The following LGR4 variants were observed in gnomAD, a reference collection of about 807,000 sequenced individuals.
The protein encoded by LGR4 is leucine-rich repeat-containing G protein-coupled receptor 4.
Under a neutral mutation model 84.8 loss-of-function variants are expected in LGR4, and 44 were observed. The observed-to-expected ratio is 0.52, with a 90% CI of 0.41 to 0.67. LGR4 has a LOEUF of 0.67. LGR4 is among the 30% of genes least tolerant of loss of function. The probability of loss-of-function intolerance (pLI) is 0.00; values close to 1 mark genes in which losing one functional copy is unlikely to be tolerated. For missense variants in LGR4, 1,032 were observed against 1,131.4 expected (o/e 0.91, Z 1.26); for synonymous variants, 429 against 434.3 (o/e 0.99, Z 0.15).
At chr11:27,437,683 G>GTGTGTGTA (rs1205307903) in intron 1 of LGR4, among the ~76,000 whole-genome samples, 1 of 151,690 alleles carries the variant, frequency 6.6e-6, no homozygotes, top group East Asian at 1.9e-4. Flanking sequence ...GTGTGTGTGT[G>GTGTGTGTA]TGTGTGTGTG....
At position 27,367,968 on chromosome 11, in the gene LGR4, T is replaced by C. The variant is rs1188939963; in HGVS notation, c.2755A>G (p.Ser919Gly). ...CCACAGGCCTGCACCTGGTCAGAAC[T>C]GTCTGAGACAAAGGAATCTTCTTCA... ...ADEEDSFVSD[S>G]SDQVQACGRA... The change falls in exon 18 of 18, where the codon AGT (serine) becomes GGT (glycine). Residue 919 changes from serine (S) to glycine (G), a missense_variant. Coordinates refer to ENST00000379214, the MANE Select transcript of LGR4 (RefSeq NM_018490.5). The C allele has an allele frequency of 1.2e-6, 2 of 1,614,172 alleles. No homozygotes were observed. Among genetic ancestry groups the C allele is most frequent in the Admixed American group, 1.7e-5 (1 of 60,028 alleles).
intron 2 of LGR4, among the ~76,000 whole-genome samples, chr11:27,392,849 C>T (rs2133379382): frequency 6.6e-6 from 1 of 152,154 alleles, no homozygotes; most frequent in Non-Finnish European, 1.5e-5. Context: ...TTCTAAGGGC[C>T]TCATAAATAC....
rs1456612339 is a variant in LGR4 at position 27,471,176 on chromosome 11, C to G, written c.185+942G>C. Among the ~76,000 whole-genome samples, 3 of 152,322 alleles carry G rather than the reference C, an allele frequency of 2.0e-5. No individual in the cohort carries two copies. In the East Asian group the frequency reaches 5.8e-4, roughly 29 times the overall value. On this transcript the variant is annotated intron_variant, in intron 1 of 17. Coordinates refer to ENST00000379214, the MANE Select transcript of LGR4 (RefSeq NM_018490.5). ...CCACAACCTAGTTCAGATTCCTCTT[C>G]TTTTCTCAAGGGAACGTCTAAAGCT...
chr11:27,429,213 G>A (rs971154878), intron 1 of LGR4, among the ~76,000 whole-genome samples: 5 of 152,256 alleles, frequency 3.3e-5, no homozygotes, highest in South Asian at 2.1e-4. Context: ...GGCCAGGCAC[G>A]GTGGTTCACG....
At chr11:27,395,300 A>G (rs922468) in intron 2 of LGR4, among the ~76,000 whole-genome samples, 3,648 of 152,148 alleles carry the variant, frequency 0.024, 132 homozygotes, top group African/African-American at 0.084. Flanking sequence ...ATTAGTTGTG[A>G]ATGTCCTTGT....
chr11:27,415,290 C>T (rs1863794348), intron 1 of LGR4, among the ~76,000 whole-genome samples: 1 of 152,138 alleles, frequency 6.6e-6, no homozygotes, highest in Non-Finnish European at 1.5e-5. Flanking sequence ...AAGCTTGGCA[C>T]ACCTGAATTC....
At chr11:27,442,969 C>A (rs760877950) in intron 1 of LGR4, among the ~76,000 whole-genome samples, 1 of 152,192 alleles carries the variant, frequency 6.6e-6, no homozygotes, top group Non-Finnish European at 1.5e-5. Context: ...AGGGACTGTA[C>A]TAGACACATA....
intron 3 of LGR4, among the ~76,000 whole-genome samples, chr11:27,392,152 A>G (rs757167461): frequency 6.6e-6 from 1 of 152,154 alleles, no homozygotes; most frequent in Non-Finnish European, 1.5e-5. Flanking sequence ...ACAAAACCCT[A>G]CCAGTAAAAC....
At chr11:27,383,477 C>G (rs17309797) in intron 6 of LGR4, among the ~76,000 whole-genome samples, 2 of 152,174 alleles carry the variant, frequency 1.3e-5, no homozygotes, top group African/African-American at 4.8e-5. Context: ...TTGGAACTAT[C>G]CTCTACAAGA....
In LGR4 at chr11:27,368,425, A is replaced by G. The variant is rs1385448628; in HGVS notation, c.2298T>C (p.Phe766=). 1.2e-6 allele frequency: 2 copies of G among 1,614,234 alleles called. No homozygotes were observed. Among genetic ancestry groups the G allele is most frequent in the Non-Finnish European group, 8.5e-7 (1 of 1,180,036 alleles). The change falls in exon 18 of 18, where the codon TTT becomes TTC. Residue 766 remains phenylalanine, a synonymous_variant. Transcript: ENST00000379214. ...TTGCAGTGATCAATGGTGCAAATGAAAAAAACGCCACAGGGCAGAAAAAGA... is the reference window on the plus strand; with the variant it reads ...TTGCAGTGATCAATGGTGCAAATGAGAAAAACGCCACAGGGCAGAAAAAGA... ...NCIFFCPVAF[F]SFAPLITAIS...
At position 27,472,429 on chromosome 11, in the gene LGR4, G is replaced by T; in HGVS notation, c.-127C>A. On this transcript the variant is annotated 5_prime_UTR_variant, in exon 1 of 18. Transcript: ENST00000379214. ...GCGGGGGTCTCTTCCTCGGCGGTCC[G>T]CGCGGGCTCGGCCCCTTCAGCAGTC... 1 of 675,204 alleles carries T rather than the reference G, an allele frequency of 1.5e-6. No individual in the cohort carries two copies. The highest frequency in any genetic ancestry group is 2.1e-6 in the Non-Finnish European group (1 of 484,932). The allele number at this position is 675,204 out of a possible 1,614,324, so 41.8% of individuals were successfully genotyped here.
Position 27,472,555 on chromosome 11 carries a change from C to T in LGR4, c.-253G>A, listed in dbSNP as rs1239982721. On this transcript the variant is annotated 5_prime_UTR_variant, in exon 1 of 18. Coordinates refer to ENST00000379214, the MANE Select transcript of LGR4 (RefSeq NM_018490.5). The stretch of plus-strand genomic sequence containing the variant: ...CCGCTCCTCCGGCGGCTCACGCCAG[C>T]CGGGCCGGCCCGGCGCAGCGGCGGG... 14 of 381,452 alleles carry T rather than the reference C, an allele frequency of 3.7e-5. No individual in the cohort carries two copies. The East Asian group carries it at 5.3e-4, about 14-fold the overall frequency. 23.6% of individuals were successfully genotyped at this position (381,452 alleles called of 1,614,324 possible).
rs148738699 is a variant in LGR4, at chr11:27,385,691, T to C, written c.402-223A>G. ...CATAAGAATGGCATGTATCCAAATCTATATTCTTCAACTATCTTTGGCTTT... is the reference window on the plus strand; with the variant it reads ...CATAAGAATGGCATGTATCCAAATCCATATTCTTCAACTATCTTTGGCTTT... On this transcript the variant is annotated intron_variant, in intron 4 of 17. Coordinates refer to ENST00000379214, the MANE Select transcript of LGR4 (RefSeq NM_018490.5). Among the ~76,000 whole-genome samples, 20 of 152,290 alleles carry C rather than the reference T, an allele frequency of 1.3e-4. No homozygotes were observed. The East Asian group carries it at 3.5e-3, about 26-fold the overall frequency.
chr11:27,462,638 A>G (rs996271450), intron 1 of LGR4, among the ~76,000 whole-genome samples: 2 of 152,170 alleles, frequency 1.3e-5, no homozygotes, highest in Admixed American at 6.5e-5. Flanking sequence ...TCACTGTTAT[A>G]ACACACAGAC....
At chr11:27,407,952 G>A (rs1012201489) in intron 2 of LGR4, among the ~76,000 whole-genome samples, 1 of 152,116 alleles carries the variant, frequency 6.6e-6, no homozygotes, top group African/African-American at 2.4e-5. Context: ...AAATTGGAGT[G>A]AAGGGTATAT....
chr11:27,465,508 T>C (rs2133459784), intron 1 of LGR4, among the ~76,000 whole-genome samples: 1 of 152,338 alleles, frequency 6.6e-6, no homozygotes, highest in Non-Finnish European at 1.5e-5. Context: ...AAGATCTTGC[T>C]AAAAATAGCT....
intron 17 of LGR4, 106 bp downstream of exon 17, chr11:27,371,509 A>G: frequency 1.3e-6 from 1 of 769,846 alleles, no homozygotes; most frequent in South Asian, 1.9e-5. Flanking sequence ...AGGATCCTCT[A>G]GTACCATCCC....
At chr11:27,442,407 A>T (rs1415840157) in intron 1 of LGR4, among the ~76,000 whole-genome samples, 1 of 152,166 alleles carries the variant, frequency 6.6e-6, no homozygotes, top group East Asian at 1.9e-4. Context: ...CAGCTACACA[A>T]CTACGTTACC....
chr11:27,460,282 T>C (rs2133453673), intron 1 of LGR4, among the ~76,000 whole-genome samples: 1 of 152,276 alleles, frequency 6.6e-6, no homozygotes, highest in Admixed American at 6.5e-5. Context: ...CGGAAACCTT[T>C]AAAGGTCATT....
Sources: allele counts gnomAD v4.1 joint callset (sites outside exome capture counted in the v4.1 genomes callset), GRCh38; gene constraint gnomAD v4.1.1; transcripts MANE v1.5; gene names NCBI Gene and HGNC (gene_info 2026-07-23, HGNC 2026-07-21).